The following RIPOR2 variants were observed in gnomAD, a reference collection of about 807,000 sequenced individuals.
The protein encoded by RIPOR2 is rho family-interacting cell polarization regulator 2.
In RIPOR2, 39 loss-of-function variants were observed where a neutral mutation model predicts 114.5. The observed-to-expected ratio is 0.34, with a 90% CI of 0.26 to 0.44. The LOEUF (loss-of-function observed/expected upper bound fraction) is 0.44, where lower values mean the gene tolerates loss of function less well. RIPOR2 is among the 20% of genes least tolerant of loss of function. The pLI is 1.00. For missense variants in RIPOR2, 1,007 were observed against 1,255.1 expected (o/e 0.80, Z 2.99); for synonymous variants, 445 against 484.4 (o/e 0.92, Z 1.07).
At chr6:24,873,048 A>G (rs1370714540) in intron 3 of RIPOR2, 89 bp from the exon 4 acceptor site, 1 of 866,482 alleles carries the variant, frequency 1.2e-6, no homozygotes, top group African/African-American at 1.7e-5. Flanking sequence ...CTCAAAGGGG[A>G]TTAAGAATTG....
chr6:25,013,023 GT>G (rs35237151), intron 1 of RIPOR2, among the ~76,000 whole-genome samples: 95,428 of 146,188 alleles, frequency 0.65, 31,223 homozygotes, highest in East Asian at 0.74. Context: ...CCATCTCTGG[GT>G]TTTTTTTTTT....
chr6:25,037,283 T>C lies in RIPOR2; in HGVS notation c.76+4568A>G, dbSNP rs987256751. On this transcript the variant is annotated intron_variant, in intron 1 of 13. Transcript: ENST00000510784. The surrounding 1 kb of genome is among the most constrained non-coding windows in gnomAD (Gnocchi z 4.5). Reference sequence around the variant, plus strand: ...CTGGTTGTCAAAGCTTATATACTTTTCAGGGTTTCTTTCCTTTAATCGCCC... The same window carrying C: ...CTGGTTGTCAAAGCTTATATACTTTCCAGGGTTTCTTTCCTTTAATCGCCC... Among the ~76,000 whole-genome samples, 3 of 152,212 alleles carry C rather than the reference T, an allele frequency of 2.0e-5. No homozygotes were observed. The highest frequency in any genetic ancestry group is 7.2e-5 in the African/African-American group (3 of 41,458).
chr6:24,848,287 T>G, intron 11 of RIPOR2, 133 bp from the exon 12 acceptor site: 1 of 887,550 alleles, frequency 1.1e-6, no homozygotes, highest in East Asian at 2.7e-5. Flanking sequence ...TGGTTTTAGC[T>G]AAACTGCTTT....
intron 1 of RIPOR2, among the ~76,000 whole-genome samples, chr6:25,035,028 G>T (rs1158422728): frequency 1.3e-5 from 2 of 152,180 alleles, no homozygotes; most frequent in Non-Finnish European, 2.9e-5. Context: ...TGAGAAAATA[G>T]GTAACAACAT....
chr6:24,935,955 C>G lies in RIPOR2; in HGVS notation c.-57G>C. On this transcript the variant is annotated 5_prime_UTR_variant, in exon 1 of 22. Coordinates refer to ENST00000643898, the MANE Select transcript of RIPOR2 (RefSeq NM_001286445.3). ...CAGCAGCCCCGGCAGTCTCAGCAGT[C>G]ACACTGCCGACCGAGGTGATTTCCT... 1 of 1,298,460 alleles carries G rather than the reference C, an allele frequency of 7.7e-7. No homozygotes were observed. The highest frequency in any genetic ancestry group is 1.1e-6 in the Non-Finnish European group (1 of 932,022). 80.4% of individuals were successfully genotyped at this position (1,298,460 alleles called of 1,614,324 possible).
intron 18 of RIPOR2, among the ~76,000 whole-genome samples, chr6:24,825,665 T>C (rs1355989890): frequency 6.6e-6 from 1 of 152,252 alleles, no homozygotes; most frequent in Non-Finnish European, 1.5e-5. Flanking sequence ...GGTGGGTTTC[T>C]ATCTCATAAT....
At chr6:24,880,239 G>C (rs2113922795) in intron 1 of RIPOR2, among the ~76,000 whole-genome samples, 1 of 152,260 alleles carries the variant, frequency 6.6e-6, no homozygotes, top group East Asian at 1.9e-4. Context: ...ATAAATGTTA[G>C]TCATTACAGG....
intron 1 of RIPOR2, among the ~76,000 whole-genome samples, chr6:24,905,421 G>C (rs748819295): frequency 6.6e-5 from 10 of 151,870 alleles, no homozygotes; most frequent in Non-Finnish European, 1.2e-4. Flanking sequence ...AACTTGGGAG[G>C]ATACAGATCA....
At chr6:25,038,254 G>A (rs1464014781) in intron 1 of RIPOR2, among the ~76,000 whole-genome samples, 2 of 152,262 alleles carry the variant, frequency 1.3e-5, no homozygotes, top group African/African-American at 4.8e-5. Flanking sequence ...AGGTTTTGTA[G>A]TAAGCAGAAT....
intron 18 of RIPOR2, among the ~76,000 whole-genome samples, chr6:24,827,125 G>GTATCAATAA (rs1760259302): frequency 6.6e-6 from 1 of 152,112 alleles, no homozygotes; most frequent in Non-Finnish European, 1.5e-5. Flanking sequence ...GACAAATTTA[G>GTATCAATAA]TATCAATAAA....
chr6:25,005,738 T>TATATATATACATACATACATAC (rs34572978), intron 1 of RIPOR2, among the ~76,000 whole-genome samples: 1 of 70,700 alleles, frequency 1.4e-5, no homozygotes, highest in African/African-American at 4.1e-5. Context: ...TATATATATA[T>TATATATATACATACATACATAC]ATACATTTAC....
chr6:24,997,050 A>T (rs1385868633), intron 1 of RIPOR2, among the ~76,000 whole-genome samples: 1 of 152,204 alleles, frequency 6.6e-6, no homozygotes, highest in Non-Finnish European at 1.5e-5. Context: ...TTCAAATGTG[A>T]ATTACTAACT....
In RIPOR2 at chr6:24,881,674, AATAAGT is replaced by A. The variant is rs539089738; in HGVS notation, c.62-5863_62-5858del. Among the ~76,000 whole-genome samples the A allele has an allele frequency of 4.6e-3, 698 of 152,322 alleles. 6 individuals are homozygous for A. The highest frequency in any genetic ancestry group is 0.015 in the African/African-American group (644 of 41,558). ...ACATATCAGGGTCTTTTGAAATTAT[AATAAGT>A]ATAAGATTTTACATGTTCTTGTATG... On this transcript the variant is annotated intron_variant, in intron 1 of 21. Coordinates refer to ENST00000643898, the MANE Select transcript of RIPOR2 (RefSeq NM_001286445.3).
chr6:24,992,149 CAA>C (rs1774851177), intron 1 of RIPOR2, among the ~76,000 whole-genome samples: 1 of 152,104 alleles, frequency 6.6e-6, no homozygotes. Flanking sequence ...GGTTTTTTCT[CAA>C]GAGCTCTGCA....
chr6:25,040,120 CTTT>C (rs11384967), intron 1 of RIPOR2, among the ~76,000 whole-genome samples: 2 of 144,854 alleles, frequency 1.4e-5, no homozygotes, highest in Non-Finnish European at 1.5e-5. Context: ...TAGACTTCTA[CTTT>C]TTTTTTTTTT....
chr6:24,893,443 G>A (rs1037839683), intron 1 of RIPOR2, among the ~76,000 whole-genome samples: 1 of 152,194 alleles, frequency 6.6e-6, no homozygotes, highest in African/African-American at 2.4e-5. Context: ...GACATAGACT[G>A]TAGGCAATAT....
At chr6:24,944,175 A>G (rs1473982040) in intron 1 of RIPOR2, among the ~76,000 whole-genome samples, 1 of 152,190 alleles carries the variant, frequency 6.6e-6, no homozygotes, top group East Asian at 1.9e-4. Context: ...ATACTTGAGA[A>G]GGCCCTAAGG....
chr6:24,838,730 G>A (rs1297899826), intron 14 of RIPOR2, among the ~76,000 whole-genome samples: 1 of 152,154 alleles, frequency 6.6e-6, no homozygotes, highest in Non-Finnish European at 1.5e-5. Context: ...GGAGGTGGAG[G>A]TTGTGGTGAG....
At chr6:24,895,535 G>GA (rs576956298) in intron 1 of RIPOR2, among the ~76,000 whole-genome samples, 133 of 151,526 alleles carry the variant, frequency 8.8e-4, no homozygotes, top group African/African-American at 3.1e-3. Context: ...AACATGTAAA[G>GA]AAAAAAAAGG....
Sources: allele counts gnomAD v4.1 joint callset (sites outside exome capture counted in the v4.1 genomes callset), GRCh38; gene constraint gnomAD v4.1.1; non-coding constraint Gnocchi (gnomAD v3.1); transcripts MANE v1.5; gene names NCBI Gene and HGNC (gene_info 2026-07-23, HGNC 2026-07-21).